The following TMPRSS11F variants were observed in gnomAD, a reference collection of about 807,000 sequenced individuals.
The protein encoded by TMPRSS11F is transmembrane protease serine 11F.
In TMPRSS11F, 47 loss-of-function variants were observed where a neutral mutation model predicts 60.2. That is an observed-to-expected ratio of 0.78 (90% CI 0.62 to 1.00). TMPRSS11F has a LOEUF of 1.00. TMPRSS11F is among the 50% of genes least tolerant of loss of function. The probability of loss-of-function intolerance (pLI) is 0.00; values close to 1 mark genes in which losing one functional copy is unlikely to be tolerated. For missense variants in TMPRSS11F, 519 were observed against 522.9 expected (o/e 0.99, Z 0.07); for synonymous variants, 166 against 167.3 (o/e 0.99, Z 0.06).
chr4:68,116,706 G>T (rs1724527405), intron 1 of TMPRSS11F, among the ~76,000 whole-genome samples: 1 of 152,086 alleles, frequency 6.6e-6, no homozygotes, highest in Non-Finnish European at 1.5e-5. Flanking sequence ...TATGCCAACT[G>T]ATATTTGACA....
intron 3 of TMPRSS11F, among the ~76,000 whole-genome samples, chr4:68,076,055 C>G (rs1723577919): frequency 6.6e-6 from 1 of 151,616 alleles, no homozygotes; most frequent in Non-Finnish European, 1.5e-5. Context: ...AATTTACATA[C>G]TTAGAAATTA....
intron 1 of TMPRSS11F, among the ~76,000 whole-genome samples, chr4:68,124,751 G>T (rs537559087): frequency 6.2e-5 from 9 of 144,668 alleles, no homozygotes; most frequent in South Asian, 2.2e-4. Flanking sequence ...TAGATCAAAC[G>T]ATTAACTAGA....
intron 7 of TMPRSS11F, among the ~76,000 whole-genome samples, chr4:68,065,212 C>G (rs1226650656): frequency 6.6e-6 from 1 of 152,102 alleles, no homozygotes; most frequent in Non-Finnish European, 1.5e-5. Flanking sequence ...TTAATTTCAA[C>G]AAACTGTGTA....
chr4:68,106,022 C>T (rs1398234674), intron 1 of TMPRSS11F, among the ~76,000 whole-genome samples: 1 of 152,044 alleles, frequency 6.6e-6, no homozygotes, highest in Non-Finnish European at 1.5e-5. Context: ...ATTAATAATT[C>T]TATGTGGACA....
rs117386068 is a variant in TMPRSS11F at position 68,067,465 on chromosome 4, T to C, written c.755+1153A>G. On this transcript the variant is annotated intron_variant, in intron 7 of 9. Coordinates refer to ENST00000356291, the MANE Select transcript of TMPRSS11F (RefSeq NM_207407.2). ...CCTGTATTCTTCACTAAATATTAAG[T>C]TGGAATTCTGGATTTGTTTATTTTT... is the stretch of plus-strand genomic sequence containing the variant. 1.9e-3 allele frequency among the ~76,000 whole-genome samples: 287 copies of C among 152,326 alleles called. 6 individuals are homozygous for C. The East Asian group carries it at 0.048, about 25-fold the overall frequency.
intron 1 of TMPRSS11F, among the ~76,000 whole-genome samples, chr4:68,115,876 AT>A (rs1473859773): frequency 6.6e-6 from 1 of 152,212 alleles, no homozygotes; most frequent in African/African-American, 2.4e-5. Flanking sequence ...AACCTTAAAA[AT>A]TGAGAGAGAT....
intron 3 of TMPRSS11F, among the ~76,000 whole-genome samples, chr4:68,090,247 T>A (rs541922163): frequency 6.6e-6 from 1 of 152,012 alleles, no homozygotes; most frequent in Non-Finnish European, 1.5e-5. Flanking sequence ...AACGATAAAA[T>A]CAAGAGTTAA....
chr4:68,061,223 T>C (rs1723167006), intron 8 of TMPRSS11F, among the ~76,000 whole-genome samples: 1 of 152,214 alleles, frequency 6.6e-6, no homozygotes, highest in African/African-American at 2.4e-5. Flanking sequence ...AACTTTTACA[T>C]ACTTCGGAGG....
chr4:68,085,489 G>A lies in TMPRSS11F; in HGVS notation c.282+5034C>T, dbSNP rs186704428. ...TTTGCATTTAAACACATTTAAGTAC[G>A]TAGCCCACAGACATCATAAAGCCAC... is the stretch of plus-strand genomic sequence containing the variant. On this transcript the variant is annotated intron_variant, in intron 3 of 9. Coordinates refer to ENST00000356291, the MANE Select transcript of TMPRSS11F (RefSeq NM_207407.2). 2.1e-3 allele frequency among the ~76,000 whole-genome samples: 325 copies of A among 152,224 alleles called. 1 individual carries two copies. Among genetic ancestry groups the A allele is most frequent in the African/African-American group, 7.4e-3 (308 of 41,516 alleles).
intron 1 of TMPRSS11F, among the ~76,000 whole-genome samples, chr4:68,120,282 C>T (rs1724598264): frequency 6.6e-6 from 1 of 151,834 alleles, no homozygotes. Flanking sequence ...GTTGATAAAG[C>T]AGTGGCAGAG....
intron 3 of TMPRSS11F, among the ~76,000 whole-genome samples, chr4:68,089,376 C>T (rs1723880460): frequency 6.6e-6 from 1 of 152,056 alleles, no homozygotes; most frequent in Non-Finnish European, 1.5e-5. Flanking sequence ...TTAGGTTTAC[C>T]TTTGTAAAGT....
At chr4:68,124,822 C>G (rs553688017) in intron 1 of TMPRSS11F, among the ~76,000 whole-genome samples, 15 of 152,088 alleles carry the variant, frequency 9.9e-5, no homozygotes, top group African/African-American at 3.6e-4. Context: ...CCGTTTCGCA[C>G]TGAGTTGTTT....
Position 68,059,380 on chromosome 4 carries a change from T to A in TMPRSS11F, c.1104A>T (p.Ile368=). 1 of 1,614,018 alleles carries A rather than the reference T, an allele frequency of 6.2e-7. No homozygotes were observed. Among genetic ancestry groups the A allele is most frequent in the Non-Finnish European group, 8.5e-7 (1 of 1,179,980 alleles). ...CNRKDVYDGL[I]TPGMLCAGFM... Reference sequence around the variant, plus strand: ...ATCCAGCACATAACATTCCTGGAGTTATCAGGCCATCATACACATCCTTTC... The same window carrying A: ...ATCCAGCACATAACATTCCTGGAGTAATCAGGCCATCATACACATCCTTTC... Residue 368 remains isoleucine (I), a synonymous_variant, in exon 9 of 10, where the codon ATA becomes ATT. Coordinates refer to ENST00000356291, the MANE Select transcript of TMPRSS11F (RefSeq NM_207407.2).
At chr4:68,067,315 A>C (rs1264981095) in intron 7 of TMPRSS11F, among the ~76,000 whole-genome samples, 1 of 152,188 alleles carries the variant, frequency 6.6e-6, no homozygotes, top group African/African-American at 2.4e-5. Context: ...CATTAGAAAA[A>C]CTTCTTTTAT....
intron 9 of TMPRSS11F, among the ~76,000 whole-genome samples, chr4:68,054,545 T>TTTGGA (rs1723003226): frequency 6.6e-6 from 1 of 152,116 alleles, no homozygotes; most frequent in South Asian, 2.1e-4. Context: ...TTAAATCTCA[T>TTTGGA]TTGGAAAACA....
At chr4:68,117,350 C>T (rs1250772048) in intron 1 of TMPRSS11F, among the ~76,000 whole-genome samples, 1 of 151,204 alleles carries the variant, frequency 6.6e-6, no homozygotes, top group Admixed American at 6.6e-5. Flanking sequence ...GCCTGTAGTC[C>T]CAGCTGCTCG....
At chr4:68,083,167 C>A (rs1229593990) in intron 3 of TMPRSS11F, among the ~76,000 whole-genome samples, 1 of 152,182 alleles carries the variant, frequency 6.6e-6, no homozygotes, top group Non-Finnish European at 1.5e-5. Flanking sequence ...TTCAGATATA[C>A]CCCACAACCT....
chr4:68,098,799 T>G, intron 2 of TMPRSS11F, 88 bp downstream of exon 2: 1 of 1,246,180 alleles, frequency 8.0e-7, no homozygotes, highest in Non-Finnish European at 1.1e-6. Context: ...GTTAATATCA[T>G]GCAAATGTCA....
At position 68,073,973 on chromosome 4, in the gene TMPRSS11F, G is replaced by A. The variant is rs768618399; in HGVS notation, c.319C>T (p.Arg107Ter). Residue 107 changes from arginine to a stop codon, truncating the protein, a stop_gained, in exon 4 of 10, where the codon CGA becomes TGA. Coordinates refer to ENST00000356291, the MANE Select transcript of TMPRSS11F (RefSeq NM_207407.2). LOFTEE classifies it high-confidence loss of function. ...RIFRHSSVGG[R>*]FIKSHVIKLS... Reference sequence around the variant, plus strand: ...TTGATAACATGAGATTTGATAAATCGACCGCCTACAGAAGAATGTCGAAAT... The same window carrying A: ...TTGATAACATGAGATTTGATAAATCAACCGCCTACAGAAGAATGTCGAAAT... 6 of 1,583,088 alleles carry A rather than the reference G, an allele frequency of 3.8e-6. No homozygotes were observed. Among genetic ancestry groups the A allele is most frequent in the Admixed American group, 3.7e-5 (2 of 53,408 alleles).
Sources: allele counts gnomAD v4.1 joint callset (sites outside exome capture counted in the v4.1 genomes callset), GRCh38; gene constraint gnomAD v4.1.1; transcripts MANE v1.5; gene names NCBI Gene and HGNC (gene_info 2026-07-23, HGNC 2026-07-21).